HDAC9: variants seen among roughly 807,000 people sequenced by gnomAD.
HDAC9 encodes the protein histone deacetylase 9.
In HDAC9, 41 loss-of-function variants were observed where a neutral mutation model predicts 139.4. That is an observed-to-expected ratio of 0.29 (90% CI 0.23 to 0.38). The LOEUF (loss-of-function observed/expected upper bound fraction) is 0.38. Ranked by LOEUF, HDAC9 falls within the 10% of genes least tolerant of loss-of-function variation. The pLI is 1.00. For synonymous variants in HDAC9, 517 were observed against 476.2 expected (o/e 1.09, Z -1.12); for missense variants, 1,147 against 1,297.0 (o/e 0.88, Z 1.78).
At chr7:18,988,494 A>AT (rs1310190115) in intron 25 of HDAC9, among the ~76,000 whole-genome samples, 1 of 151,642 alleles carries the variant, frequency 6.6e-6, no homozygotes, top group East Asian at 1.9e-4. Flanking sequence ...TATGTGGTCA[A>AT]TTTTGGAATA....
At chr7:18,518,634 G>A (rs981945953) in intron 2 of HDAC9, among the ~76,000 whole-genome samples, 1 of 152,118 alleles carries the variant, frequency 6.6e-6, no homozygotes, top group African/African-American at 2.4e-5. Context: ...ATATAGAAAA[G>A]GTCGAGAAAT....
At chr7:18,940,849 A>T (rs1781976910) in intron 23 of HDAC9, among the ~76,000 whole-genome samples, 1 of 152,134 alleles carries the variant, frequency 6.6e-6, no homozygotes, top group African/African-American at 2.4e-5. Flanking sequence ...TTCCTATGGA[A>T]TCTAAAACAA....
intron 2 of HDAC9, among the ~76,000 whole-genome samples, chr7:18,273,297 G>A (rs887440528): frequency 1.4e-4 from 22 of 151,910 alleles, no homozygotes; most frequent in African/African-American, 5.1e-4. Context: ...CCGAACTCCT[G>A]GCTTCAGGTG....
intron 23 of HDAC9, among the ~76,000 whole-genome samples, chr7:18,937,691 T>G (rs1585356388): frequency 6.6e-6 from 1 of 152,152 alleles, no homozygotes; most frequent in African/African-American, 2.4e-5. Context: ...ATATTAATAT[T>G]TGCATTATAA....
At chr7:18,414,106 A>T (rs1788825900) in intron 1 of HDAC9, among the ~76,000 whole-genome samples, 1 of 152,178 alleles carries the variant, frequency 6.6e-6, no homozygotes, top group African/African-American at 2.4e-5. Context: ...TGCTGCTAAG[A>T]TATTAAAGTA....
intron 17 of HDAC9, among the ~76,000 whole-genome samples, chr7:18,805,346 A>G (rs1296181324): frequency 2.0e-5 from 3 of 152,144 alleles, no homozygotes; most frequent in Non-Finnish European, 4.4e-5. Context: ...GGCCTGATAA[A>G]TGTGTCAGGA....
chr7:18,956,577 C>T (rs2129325998), intron 24 of HDAC9, among the ~76,000 whole-genome samples: 1 of 152,228 alleles, frequency 6.6e-6, no homozygotes, highest in South Asian at 2.1e-4. Flanking sequence ...CAGAGCTCCT[C>T]CTTCTGAGTC....
rs546321496 is a variant in HDAC9, at chr7:18,707,695, T to G, written c.1732-19885T>G. Among the ~76,000 whole-genome samples the G allele has an allele frequency of 1.2e-3, 183 of 152,280 alleles. 2 individuals are homozygous for G. The highest frequency in any genetic ancestry group is 0.01 in the Middle Eastern group (3 of 294). ...TTCATGCATGGTGGATATGGGCAAT[T>G]ATTATTTTCCTCTTTGTAAATTAAT... On this transcript the variant is annotated intron_variant, in intron 12 of 25. Coordinates refer to ENST00000686413, the MANE Select transcript of HDAC9 (RefSeq NM_178425.4).
intron 2 of HDAC9, among the ~76,000 whole-genome samples, chr7:18,500,671 G>A (rs547824936): frequency 1.8e-4 from 27 of 152,228 alleles, no homozygotes; most frequent in African/African-American, 6.3e-4. Flanking sequence ...CTTCAGAGCA[G>A]CGTACTAAAT....
Position 18,308,112 on chromosome 7 carries a change from C to G in HDAC9, c.-42+17597C>G, listed in dbSNP as rs568744298. Among the ~76,000 whole-genome samples the G allele has an allele frequency of 3.3e-5, 5 of 152,292 alleles. No homozygotes were observed. In the South Asian group the frequency reaches 1.0e-3, roughly 32 times the overall value. On this transcript the variant is annotated intron_variant, in intron 1 of 3. Coordinates refer to the HDAC9 transcript ENST00000413509. Reference sequence around the variant, plus strand: ...TCAAACTCAAATGTAATTTTAAGAACTTTGCCTTAATTTATATTGCCAAGT... The same window carrying G: ...TCAAACTCAAATGTAATTTTAAGAAGTTTGCCTTAATTTATATTGCCAAGT...
chr7:18,807,075 T>C (rs1562955176), intron 17 of HDAC9, among the ~76,000 whole-genome samples: 1 of 152,198 alleles, frequency 6.6e-6, no homozygotes, highest in Non-Finnish European at 1.5e-5. Context: ...ATGAAGCTTT[T>C]TGGTCCTGGG....
intron 1 of HDAC9, among the ~76,000 whole-genome samples, chr7:18,117,971 G>A (rs1336632797): frequency 6.6e-6 from 1 of 152,046 alleles, no homozygotes; most frequent in Non-Finnish European, 1.5e-5. Context: ...TTAGACAACT[G>A]GGCTCTGTTT....
At chr7:18,285,741 C>T (rs1439887202), upstream of HDAC9, among the ~76,000 whole-genome samples, 1 of 152,084 alleles carries the variant, frequency 6.6e-6, no homozygotes, top group Non-Finnish European at 1.5e-5. Flanking sequence ...CACTGGAATG[C>T]TCCTTCTTTT....
At chr7:18,460,136 G>A (rs909390454) in intron 1 of HDAC9, among the ~76,000 whole-genome samples, 3 of 151,872 alleles carry the variant, frequency 2.0e-5, no homozygotes, top group Non-Finnish European at 2.9e-5. Flanking sequence ...GTCCAGGCTC[G>A]TCTCCAACTC....
upstream of HDAC9, among the ~76,000 whole-genome samples, chr7:18,287,630 T>C (rs531652790): frequency 4.6e-5 from 7 of 152,248 alleles, no homozygotes; most frequent in East Asian, 1.9e-4. Context: ...ATGGCCACAG[T>C]TGGCCTTAGC....
At chr7:18,861,350 C>T (rs1024775399) in intron 21 of HDAC9, among the ~76,000 whole-genome samples, 9 of 151,988 alleles carry the variant, frequency 5.9e-5, no homozygotes, top group African/African-American at 2.2e-4. Flanking sequence ...CAGAGTTTAA[C>T]GAAAGCAAAA....
intron 1 of HDAC9, 55 bp downstream of exon 1, chr7:18,496,078 G>A: frequency 1.4e-6 from 2 of 1,423,682 alleles, no homozygotes; most frequent in Admixed American, 2.6e-5. Context: ...GCCCATTTGA[G>A]CAGAAAGGAA....
chr7:18,913,241 G>T (rs1181383505), intron 22 of HDAC9, among the ~76,000 whole-genome samples: 2 of 151,726 alleles, frequency 1.3e-5, no homozygotes, highest in Non-Finnish European at 2.9e-5. Context: ...ATCTTAATTC[G>T]CCATGTCTAA....
chr7:18,788,432 A>G (rs2129175965), intron 16 of HDAC9, among the ~76,000 whole-genome samples: 1 of 152,256 alleles, frequency 6.6e-6, no homozygotes, highest in East Asian at 1.9e-4. Context: ...TATGGTGGCC[A>G]CAGTTTAGTG....
Sources: gnomAD v4.1 joint callset for allele counts (sites outside exome capture counted in the v4.1 genomes callset) on GRCh38, gnomAD v4.1.1 for gene constraint, MANE v1.5 for transcripts, NCBI Gene and HGNC (gene_info 2026-07-23, HGNC 2026-07-21) for gene names.